The following GLI2 variants were observed in gnomAD, a reference collection of about 807,000 sequenced individuals.
GLI2 encodes the protein transcription activator GLI2.
In GLI2, 22 loss-of-function variants were observed where a neutral mutation model predicts 78.9. The observed-to-expected ratio is 0.28, with a 90% CI of 0.20 to 0.40. The LOEUF (loss-of-function observed/expected upper bound fraction) is 0.40, where lower values mean the gene tolerates loss of function less well. GLI2 is among the 10% of genes least tolerant of loss of function. The pLI is 1.00. For synonymous variants in GLI2, 974 were observed against 963.7 expected, an observed-to-expected ratio of 1.01 and a Z score of -0.20; for missense variants, 2,097 against 2,213.2, an observed-to-expected ratio of 0.95 and a Z score of 1.05.
At position 120,988,395 on chromosome 2, in the gene GLI2, C is replaced by G; in HGVS notation, c.2430C>G (p.Ser810=). 6.4e-7 allele frequency: 1 copy of G among 1,573,716 alleles called. No individual in the cohort carries two copies. The change falls in exon 14 of 14, where the codon TCC becomes TCG. Residue 810 remains serine, a synonymous_variant. Coordinates refer to ENST00000361492, the MANE Select transcript of GLI2 (RefSeq NM_001374353.1). ...TGAGCCGCCGCTCCTCCGGCATCTCCCCCTACTTCTCCAGCCGCCGCTCCA... is the reference window on the plus strand; with the variant it reads ...TGAGCCGCCGCTCCTCCGGCATCTCGCCCTACTTCTCCAGCCGCCGCTCCA... ...YTVSRRSSGI[S]PYFSSRRSSE...
At chr2:120,827,006 G>A (rs1049900521) in intron 2 of GLI2, among the ~76,000 whole-genome samples, 9 of 152,198 alleles carry the variant, frequency 5.9e-5, no homozygotes, top group African/African-American at 2.2e-4. Flanking sequence ...CTTTCACTGT[G>A]TGGTGACTCC....
intron 2 of GLI2, among the ~76,000 whole-genome samples, chr2:120,817,441 C>T (rs889672340): frequency 1.3e-5 from 2 of 152,212 alleles, no homozygotes; most frequent in Admixed American, 6.5e-5. Context: ...CCATTGGCCC[C>T]GCTGATGAGC....
At position 120,951,352 on chromosome 2, in the gene GLI2, G is replaced by T. The variant is rs778467271; in HGVS notation, c.364G>T (p.Val122Leu). The T allele has an allele frequency of 1.8e-5, 29 of 1,597,010 alleles. No individual in the cohort carries two copies. Among genetic ancestry groups the T allele is most frequent in the Middle Eastern group, 1.7e-4 (1 of 6,018 alleles). ...CCCCTTCAACGCCCCCCACCCGTACGTGAACCCCCACATGGAGCACTACCT... is the reference window on the plus strand; with the variant it reads ...CCCCTTCAACGCCCCCCACCCGTACTTGAACCCCCACATGGAGCACTACCT... ...ESPFNAPHPYVNPHMEHYLRS... is the reference protein window; with the variant it reads ...ESPFNAPHPYLNPHMEHYLRS... Residue 122 changes from valine to leucine, a missense_variant, in exon 4 of 14, where the codon GTG (valine) becomes TTG (leucine). By Grantham distance (32) the Val-to-Leu change is conservative. Around this residue, in one of 5 missense-constraint regions of GLI2, gnomAD observed 578 missense variants for 612.0 expected, o/e 0.94. Transcript: ENST00000361492.
intron 3 of GLI2, among the ~76,000 whole-genome samples, chr2:120,948,927 T>G (rs1218720717): frequency 6.6e-6 from 1 of 152,136 alleles, no homozygotes; most frequent in Non-Finnish European, 1.5e-5. Context: ...AGAAGGCACC[T>G]TAGCTATTCT....
chr2:120,978,312 T>C, intron 9 of GLI2, 122 bp from the exon 10 acceptor site: 1 of 967,430 alleles, frequency 1.0e-6, no homozygotes, highest in South Asian at 1.3e-5. Flanking sequence ...GCAGGGTGGA[T>C]GGTCTGCACA....
intron 1 of GLI2, among the ~76,000 whole-genome samples, chr2:120,777,399 G>T (rs1006932151): frequency 6.6e-6 from 1 of 152,072 alleles, no homozygotes; most frequent in Non-Finnish European, 1.5e-5. Context: ...GGACAGGGAG[G>T]TGGTGGCACC....
At position 120,797,458 on chromosome 2, in the gene GLI2, T is replaced by TG; in HGVS notation, c.139dup (p.Ala47GlyfsTer19). ...CTGCAGCGGCAGCAGCAGCGGTAGC[T>TG]GCCCAAGGAGGTACTTTCTGTTTCG... On this transcript the variant is annotated frameshift_variant, in exon 2 of 14. Coordinates refer to ENST00000361492, the MANE Select transcript of GLI2 (RefSeq NM_001374353.1). LOFTEE classifies it high-confidence loss of function. The TG allele has an allele frequency of 6.2e-7, 1 of 1,613,938 alleles. No individual in the cohort carries two copies. The highest frequency in any genetic ancestry group is 8.5e-7 in the Non-Finnish European group (1 of 1,179,890).
chr2:120,768,799 CTGTGTG>C (rs5833852), intron 1 of GLI2, among the ~76,000 whole-genome samples: 1,937 of 147,714 alleles, frequency 0.013, 40 homozygotes, highest in African/African-American at 0.046. Context: ...GGCCCCGCCC[CTGTGTG>C]TGTGTGTGTG....
At chr2:120,828,344 C>A (rs1162028075) in intron 2 of GLI2, among the ~76,000 whole-genome samples, 1 of 152,218 alleles carries the variant, frequency 6.6e-6, no homozygotes, top group South Asian at 2.1e-4. Flanking sequence ...CCCGGAGACT[C>A]CGAGGACATT....
At chr2:120,901,855 A>G (rs1247450113) in intron 2 of GLI2, among the ~76,000 whole-genome samples, 1 of 152,230 alleles carries the variant, frequency 6.6e-6, no homozygotes, top group Admixed American at 6.5e-5. Flanking sequence ...AACTGTTTCC[A>G]GCAAGGTTCT....
chr2:120,924,281 C>G (rs1355402372), intron 2 of GLI2, among the ~76,000 whole-genome samples: 1 of 152,140 alleles, frequency 6.6e-6, no homozygotes, highest in Non-Finnish European at 1.5e-5. Flanking sequence ...AAGTACATAG[C>G]AAGGTGGGGA....
intron 2 of GLI2, among the ~76,000 whole-genome samples, chr2:120,912,148 G>A (rs554685539): frequency 5.9e-5 from 9 of 152,274 alleles, no homozygotes; most frequent in East Asian, 3.9e-4. Context: ...TGGTTTCTCC[G>A]GCCCCGAAAC....
At chr2:120,843,337 C>T (rs1416842244) in intron 2 of GLI2, among the ~76,000 whole-genome samples, 3 of 152,304 alleles carry the variant, frequency 2.0e-5, no homozygotes, top group South Asian at 2.1e-4. Flanking sequence ...CTTCCAGCCC[C>T]GAGGTAGTGC....
intron 2 of GLI2, among the ~76,000 whole-genome samples, chr2:120,920,161 A>G (rs1385829147): frequency 6.6e-6 from 1 of 152,264 alleles, no homozygotes; most frequent in African/African-American, 2.4e-5. Context: ...TGGACAGCCC[A>G]GAGGGCTGGG....
At chr2:120,861,535 A>G (rs1396758377) in intron 2 of GLI2, among the ~76,000 whole-genome samples, 1 of 152,200 alleles carries the variant, frequency 6.6e-6, no homozygotes, top group East Asian at 1.9e-4. Flanking sequence ...GCTTTTTAAA[A>G]CAAAAAAGCA....
chr2:120,750,097 G>A (rs930728), intron 1 of GLI2, among the ~76,000 whole-genome samples: 3 of 152,342 alleles, frequency 2.0e-5, no homozygotes, highest in East Asian at 1.9e-4. Context: ...AGGGCAGGGC[G>A]CAGGCTTTGT....
intron 2 of GLI2, among the ~76,000 whole-genome samples, chr2:120,912,179 C>T (rs1025382802): frequency 6.6e-6 from 1 of 152,110 alleles, no homozygotes; most frequent in African/African-American, 2.4e-5. Flanking sequence ...TGGGAGTTTT[C>T]CCCTAGATCT....
rs1683192139 is a variant in GLI2 at position 120,989,705 on chromosome 2, A to G, written c.3740A>G (p.Asn1247Ser). 1.2e-6 allele frequency: 2 copies of G among 1,613,230 alleles called. No individual in the cohort carries two copies. Among genetic ancestry groups the G allele is most frequent in the Middle Eastern group, 3.3e-4 (2 of 6,062 alleles). The change falls in exon 14 of 14, where the codon AAC becomes AGC. Residue 1247 changes from asparagine to serine, a missense_variant. Transcript: ENST00000361492. ...LSPSTISGAL[N>S]QFPQSCSNMP... ...CCCAGCACCATCAGTGGGGCCCTCA[A>G]CCAGTTCCCCCAATCCTGCAGCAAC...
intron 8 of GLI2, 29 bp from the exon 9 acceptor site, chr2:120,974,946 C>T (rs921806538): frequency 1.2e-6 from 2 of 1,614,236 alleles, no homozygotes; most frequent in Non-Finnish European, 1.7e-6. Flanking sequence ...GGACACGGCT[C>T]ATGTGGGTGT....
Sources: allele counts gnomAD v4.1 joint callset (sites outside exome capture counted in the v4.1 genomes callset), GRCh38; gene constraint gnomAD v4.1.1; regional missense constraint gnomAD v4.1.1; transcripts MANE v1.5; gene names NCBI Gene and HGNC (gene_info 2026-07-23, HGNC 2026-07-21).